The following GRB10 variants were observed in gnomAD, a reference collection of about 807,000 sequenced individuals.
GRB10 encodes the protein growth factor receptor-bound protein 10.
GRB10 carries 20 observed loss-of-function variants against 80.9 expected under a neutral mutation model. The observed-to-expected ratio is 0.25, with a 90% CI of 0.17 to 0.36. GRB10 has a LOEUF of 0.36. Among genes scored for constraint, GRB10 ranks in the 10% least tolerant of loss-of-function variants. The probability of loss-of-function intolerance (pLI) is 1.00; values close to 1 mark genes in which losing one functional copy is unlikely to be tolerated. For missense variants in GRB10, 548 were observed against 747.7 expected, an observed-to-expected ratio of 0.73 and a Z score of 3.12; for synonymous variants, 291 against 291.5, an observed-to-expected ratio of 1.00 and a Z score of 0.02.
intron 2 of GRB10, among the ~76,000 whole-genome samples, chr7:50,775,917 G>C (rs1230787444): frequency 2.6e-5 from 4 of 152,206 alleles, no homozygotes; most frequent in Non-Finnish European, 5.9e-5. Context: ...AGAGAGCAGA[G>C]AAGTGATGCC....
intron 3 of GRB10, among the ~76,000 whole-genome samples, chr7:50,743,835 C>A (rs2072342730): frequency 6.6e-6 from 1 of 152,160 alleles, no homozygotes; most frequent in Non-Finnish European, 1.5e-5. Flanking sequence ...ATGCCCAGGG[C>A]AGGACTGTTA....
intron 4 of GRB10, among the ~76,000 whole-genome samples, chr7:50,714,724 A>G (rs1177810371): frequency 6.6e-6 from 1 of 151,706 alleles, no homozygotes; most frequent in African/African-American, 2.4e-5. Context: ...GGTGGGGTGC[A>G]CAAAGCCATT....
intron 10 of GRB10, 78 bp from the exon 11 acceptor site, chr7:50,616,425 A>G (rs1406359014): frequency 7.4e-7 from 1 of 1,355,942 alleles, no homozygotes; most frequent in East Asian, 2.4e-5. Flanking sequence ...AGCATAGCTG[A>G]CATTTTCTGA....
chr7:50,714,216 A>C (rs1189075654), intron 4 of GRB10, among the ~76,000 whole-genome samples: 1 of 152,250 alleles, frequency 6.6e-6, no homozygotes, highest in Non-Finnish European at 1.5e-5. Context: ...ACCTTAATCG[A>C]TCATGAGTTC....
At chr7:50,720,529 C>T (rs751574438) in intron 4 of GRB10, among the ~76,000 whole-genome samples, 2 of 152,192 alleles carry the variant, frequency 1.3e-5, no homozygotes, top group African/African-American at 4.8e-5. Flanking sequence ...AGGACAGGCA[C>T]ATCCCGGACG....
chr7:50,658,082 G>A (rs2058830355), intron 7 of GRB10, among the ~76,000 whole-genome samples: 1 of 152,182 alleles, frequency 6.6e-6, no homozygotes, highest in African/African-American at 2.4e-5. Context: ...AACACTTCTC[G>A]ACTGTAAACT....
intron 1 of GRB10, chr7:50,792,601 A>T: frequency 2.5e-6 from 1 of 397,754 alleles, no homozygotes; most frequent in Non-Finnish European, 4.4e-6. Flanking sequence ...GCGAGCCCTC[A>T]ACTTGGTGTT....
Position 50,626,995 on chromosome 7 carries a change from G to A in GRB10, c.505-17C>T. 1 of 1,613,404 alleles carries A rather than the reference G, an allele frequency of 6.2e-7. No homozygotes were observed. Among genetic ancestry groups the A allele is most frequent in the Non-Finnish European group, 8.5e-7 (1 of 1,179,476 alleles). ...TTTAACATCCTGCAACACACAAAGGGGATAGTTACAGATAAACAACTTCGG... is the reference window on the plus strand; with the variant it reads ...TTTAACATCCTGCAACACACAAAGGAGATAGTTACAGATAAACAACTTCGG... On this transcript the variant is annotated splice_polypyrimidine_tract_variant and intron_variant, in intron 7 of 18. Transcript: ENST00000401949.
intron 13 of GRB10, among the ~76,000 whole-genome samples, chr7:50,610,813 C>T (rs961209663): frequency 2.0e-5 from 3 of 152,164 alleles, no homozygotes; most frequent in Non-Finnish European, 2.9e-5. Flanking sequence ...AAAGTCAGTT[C>T]GTTTTGCATT....
chr7:50,697,311 T>TA (rs1554576490), intron 5 of GRB10, among the ~76,000 whole-genome samples: 1 of 152,220 alleles, frequency 6.6e-6, no homozygotes, highest in Non-Finnish European at 1.5e-5. Flanking sequence ...TATATATTTT[T>TA]AATAAAGAAA....
intron 3 of GRB10, among the ~76,000 whole-genome samples, chr7:50,734,882 C>G (rs2070518334): frequency 6.6e-6 from 1 of 152,310 alleles, no homozygotes; most frequent in South Asian, 2.1e-4. Flanking sequence ...AGCTTCTCCC[C>G]TGAGATCAGG....
At chr7:50,745,567 G>A (rs909570717) in intron 3 of GRB10, among the ~76,000 whole-genome samples, 1 of 152,148 alleles carries the variant, frequency 6.6e-6, no homozygotes, top group Admixed American at 6.5e-5. Context: ...AAAGCCAACG[G>A]GAAGGAAAAG....
At chr7:50,679,549 T>C (rs1242391475) in intron 5 of GRB10, among the ~76,000 whole-genome samples, 3 of 152,188 alleles carry the variant, frequency 2.0e-5, no homozygotes, top group African/African-American at 7.2e-5. Flanking sequence ...GCACCATGTG[T>C]TTAGGACGTG....
intron 2 of GRB10, among the ~76,000 whole-genome samples, chr7:50,766,450 C>A (rs1486871353): frequency 3.3e-5 from 5 of 151,608 alleles, no homozygotes; most frequent in Non-Finnish European, 7.4e-5. Flanking sequence ...TTTCTTCTTC[C>A]CTTAAAGGAG....
intron 2 of GRB10, among the ~76,000 whole-genome samples, chr7:50,770,143 T>C (rs962544358): frequency 6.6e-6 from 1 of 152,204 alleles, no homozygotes; most frequent in African/African-American, 2.4e-5. Context: ...CTCTCTAGAC[T>C]CAGGCGACTG....
chr7:50,690,072 G>A (rs2062618702), intron 5 of GRB10, among the ~76,000 whole-genome samples: 1 of 152,092 alleles, frequency 6.6e-6, no homozygotes, highest in Non-Finnish European at 1.5e-5. Context: ...CAAGACGGGA[G>A]GATCACCTGA....
intron 13 of GRB10, among the ~76,000 whole-genome samples, chr7:50,609,695 A>AT (rs2049169592): frequency 6.6e-6 from 1 of 152,230 alleles, no homozygotes; most frequent in African/African-American, 2.4e-5. Flanking sequence ...TCTACAGTAG[A>AT]TTAAGAGACT....
intron 7 of GRB10, among the ~76,000 whole-genome samples, chr7:50,659,144 T>C (rs150368093): frequency 2.3e-4 from 35 of 152,320 alleles, no homozygotes; most frequent in Non-Finnish European, 4.6e-4. Flanking sequence ...CTTGAGTGAA[T>C]AGGTAGGTTT....
intron 5 of GRB10, among the ~76,000 whole-genome samples, chr7:50,699,568 T>C (rs1372010166): frequency 2.0e-5 from 3 of 152,254 alleles, no homozygotes; most frequent in African/African-American, 7.2e-5. Context: ...TGTTTTATGA[T>C]AGTAAACCAC....
Sources: gnomAD v4.1 joint callset for allele counts (sites outside exome capture counted in the v4.1 genomes callset) on GRCh38, gnomAD v4.1.1 for gene constraint, MANE v1.5 for transcripts, NCBI Gene and HGNC (gene_info 2026-07-23, HGNC 2026-07-21) for gene names.